MCM4: variants seen among roughly 807,000 people sequenced by gnomAD.
MCM4 encodes minichromosome maintenance complex component 4, also known as DNA replication licensing factor MCM4.
In MCM4, 60 loss-of-function variants were observed where a neutral mutation model predicts 88.7. The ratio of observed to expected loss-of-function variants is 0.68; its 90% CI spans 0.55 to 0.84. The LOEUF (loss-of-function observed/expected upper bound fraction) is 0.84. MCM4 is among the 40% of genes least tolerant of loss of function. The pLI, the probability that MCM4 is intolerant of heterozygous loss-of-function variation, is 0.00. For synonymous variants in MCM4, 465 were observed against 410.5 expected, an observed-to-expected ratio of 1.13 and a Z score of -1.61; for missense variants, 1,149 against 1,105.5, an observed-to-expected ratio of 1.04 and a Z score of -0.56.
At chr8:47,974,674 C>A in intron 14 of MCM4, 60 bp from the exon 15 acceptor site, 2 of 1,406,414 alleles carry the variant, frequency 1.4e-6, no homozygotes, top group South Asian at 1.2e-5. Context: ...AATTCACCCA[C>A]AAAACTAAAG....
At chr8:47,973,123 C>T in intron 14 of MCM4, 59 bp downstream of exon 14, 2 of 1,311,110 alleles carry the variant, frequency 1.5e-6, no homozygotes, top group Non-Finnish European at 2.2e-6. Context: ...ATGTAACTGA[C>T]CAATCATCTC....
At chr8:47,973,808 G>A (rs1219925887) in intron 14 of MCM4, 1 of 152,166 alleles carries the variant, frequency 6.6e-6, no homozygotes, top group Non-Finnish European at 1.5e-5. Context: ...TTTTATAACT[G>A]TTTATTACTT....
intron 10 of MCM4, among the ~76,000 whole-genome samples, chr8:47,968,506 T>A (rs1350641328): frequency 6.6e-6 from 1 of 152,204 alleles, no homozygotes; most frequent in East Asian, 1.9e-4. Context: ...TGATGATACA[T>A]GTGTGAGAGT....
chr8:47,970,437 A>G (rs1589832073), intron 11 of MCM4, 74 bp from the exon 12 acceptor site: 6 of 1,489,476 alleles, frequency 4.0e-6, no homozygotes, highest in Non-Finnish European at 5.4e-6. Context: ...AGAGAAAAGT[A>G]CCTCTAAAGT....
chr8:47,961,798 G>C, intron 3 of MCM4, 118 bp downstream of exon 3: 1 of 1,301,194 alleles, frequency 7.7e-7, no homozygotes, highest in Admixed American at 2.4e-5. Flanking sequence ...CTCTGCACGT[G>C]ACTGAGCATG....
intron 3 of MCM4, 125 bp downstream of exon 3, chr8:47,961,805 C>G: frequency 7.8e-7 from 1 of 1,276,162 alleles, no homozygotes; most frequent in Non-Finnish European, 1.1e-6. Flanking sequence ...CGTGACTGAG[C>G]ATGTTCTTAA....
intron 5 of MCM4, 131 bp downstream of exon 5, chr8:47,962,537 A>G: frequency 1.1e-6 from 1 of 939,726 alleles, no homozygotes; most frequent in Non-Finnish European, 1.6e-6. Context: ...TAATCCCAGT[A>G]CTTTGGGAGG....
In MCM4 at chr8:47,971,390, C is replaced by G. The variant is rs776304154; in HGVS notation, c.1850C>G (p.Ala617Gly). 1 of 1,614,118 alleles carries G rather than the reference C, an allele frequency of 6.2e-7. No individual in the cohort carries two copies. Among genetic ancestry groups the G allele is most frequent in the Non-Finnish European group, 8.5e-7 (1 of 1,180,014 alleles). Residue 617 changes from alanine to glycine, a missense_variant, in exon 13 of 17, where the codon GCA becomes GGA. Ala to Gly is a moderately conservative substitution (Grantham distance 60). Coordinates refer to ENST00000649973, the MANE Select transcript of MCM4 (RefSeq NM_182746.3). ...GCGCGCACCTCTGTCCTGGCAGCAG[C>G]AAATCCCATTGAGTCTCAGTGGAAT... ...LNARTSVLAA[A>G]NPIESQWNPK...
In MCM4 at chr8:47,960,991, T is replaced by C; in HGVS notation, c.-38T>C. 1.3e-6 allele frequency: 1 copy of C among 744,170 alleles called. No homozygotes were observed. Among genetic ancestry groups the C allele is most frequent in the Non-Finnish European group, 2.0e-6 (1 of 504,356 alleles). 46.1% of individuals were successfully genotyped at this position (744,170 alleles called of 1,614,324 possible). On this transcript the variant is annotated 5_prime_UTR_variant, in exon 1 of 17. Coordinates refer to ENST00000649973, the MANE Select transcript of MCM4 (RefSeq NM_182746.3). ...GTGGACTCGGAGTCCGCGAGCGTCGTCGGCAAGCGGCCGCCTTTCCACGGT... is the reference window on the plus strand; with the variant it reads ...GTGGACTCGGAGTCCGCGAGCGTCGCCGGCAAGCGGCCGCCTTTCCACGGT...
rs758743457 is a variant in MCM4 at position 47,972,893 on chromosome 8, C to T, written c.1965C>T (p.Asp655=). 34 of 1,614,146 alleles carry T rather than the reference C, an allele frequency of 2.1e-5. No individual in the cohort carries two copies. Among genetic ancestry groups the T allele is most frequent in the Middle Eastern group, 1.6e-4 (1 of 6,062 alleles). The change falls in exon 14 of 17, where the codon GAC becomes GAT. Residue 655 remains aspartate, a synonymous_variant. Transcript: ENST00000649973. ...TCTTCCTCTTGCTGGACCCTCAGGA[C>T]GAAGCCTATGACAGGCGTCTGGCTC... is the stretch of plus-strand genomic sequence containing the variant. ...DLIFLLLDPQ[D]EAYDRRLAHH...
chr8:47,961,765 T>C (rs879274395), intron 3 of MCM4, 85 bp downstream of exon 3: 52 of 1,478,968 alleles, frequency 3.5e-5, no homozygotes, highest in Non-Finnish European at 4.6e-5. Context: ...TTATAACAGT[T>C]GGCATAACGC....
Position 47,971,327 on chromosome 8 carries a change from CTT to C in MCM4, c.1801-12_1801-11del, listed in dbSNP as rs766528577. Reference sequence around the variant, plus strand: ...TCAGGGAGAGGCTTCTAACTGCACTCTTTGCTCTGATAGGCTGGGATCATCTG... The same window carrying C: ...TCAGGGAGAGGCTTCTAACTGCACTCTGCTCTGATAGGCTGGGATCATCTG... On this transcript the variant is annotated splice_polypyrimidine_tract_variant and intron_variant, in intron 12 of 16. Coordinates refer to ENST00000649973, the MANE Select transcript of MCM4 (RefSeq NM_182746.3). 5 of 1,613,996 alleles carry C rather than the reference CTT, an allele frequency of 3.1e-6. 1 individual carries two copies. The South Asian group carries it at 3.3e-5, about 11-fold the overall frequency.
chr8:47,961,313 G>C, intron 2 of MCM4, 99 bp downstream of exon 2: 1 of 1,429,730 alleles, frequency 7.0e-7, no homozygotes, highest in Non-Finnish European at 9.1e-7. Context: ...GGACCCGGGC[G>C]CTCAGCCTCG....
chr8:47,974,543 A>G, intron 14 of MCM4, 191 bp from the exon 15 acceptor site: 1 of 594,136 alleles, frequency 1.7e-6, no homozygotes, highest in Non-Finnish European at 3.0e-6. Context: ...TGCACGCTGC[A>G]CGTTGATGTC....
chr8:47,964,720 A>G lies in MCM4; in HGVS notation c.832+8A>G. The G allele has an allele frequency of 6.5e-7, 1 of 1,535,840 alleles. No individual in the cohort carries two copies. Among genetic ancestry groups the G allele is most frequent in the South Asian group, 1.3e-5 (1 of 79,554 alleles). ...GAAACCTGAATCCAGAAGGTAATGT[A>G]TTTTTCATAGGATTACTTTTGTTGA... On this transcript the variant is annotated splice_region_variant and intron_variant, in intron 8 of 16. Transcript: ENST00000649973.
In MCM4 at chr8:47,962,214, G is replaced by T; in HGVS notation, c.397G>T (p.Gly133Trp). The T allele has an allele frequency of 6.2e-7, 1 of 1,614,158 alleles. No individual in the cohort carries two copies. Among genetic ancestry groups the T allele is most frequent in the Non-Finnish European group, 8.5e-7 (1 of 1,180,024 alleles). ...CCTGCAAGTGGATCTGCAGTCTGAC[G>T]GGGTGAGTATGCAGTCTCCTGAAAC... is the stretch of plus-strand genomic sequence containing the variant. ...KGLQVDLQSD[G>W]AAAEDIVASE... The change falls in exon 4 of 17, where the codon GGG becomes TGG. Residue 133 changes from glycine (G) to tryptophan (W), a missense_variant and splice_region_variant. Coordinates refer to ENST00000649973, the MANE Select transcript of MCM4 (RefSeq NM_182746.3).
Position 47,964,681 on chromosome 8 carries a change from G to A in MCM4, c.801G>A (p.Lys267=), listed in dbSNP as rs756324924. 1.9e-6 allele frequency: 3 copies of A among 1,590,514 alleles called. No homozygotes were observed. Among genetic ancestry groups the A allele is most frequent in the East Asian group, 2.3e-5 (1 of 43,820 alleles). ...QIQVRPFNAL[K]TKNMRNLNPE... is the part of the protein sequence containing the mutation. ...AAGTAAGACCATTCAACGCATTGAAGACTAAGAATATGAGAAACCTGAATC... is the reference window on the plus strand; with the variant it reads ...AAGTAAGACCATTCAACGCATTGAAAACTAAGAATATGAGAAACCTGAATC... Residue 267 remains lysine (K), a synonymous_variant, in exon 8 of 17, where the codon AAG becomes AAA. Coordinates refer to ENST00000649973, the MANE Select transcript of MCM4 (RefSeq NM_182746.3).
Position 47,964,635 on chromosome 8 carries a change from C to T in MCM4, c.755C>T (p.Ser252Leu). Residue 252 changes from serine to leucine, a missense_variant, in exon 8 of 17, where the codon TCA becomes TTA. By Grantham distance (145) the Ser-to-Leu change is moderately radical. Coordinates refer to ENST00000649973, the MANE Select transcript of MCM4 (RefSeq NM_182746.3). ...NEIFFDRYPD[S>L]ILEHQIQVRP... The stretch of plus-strand genomic sequence containing the variant: ...ATCTTCTTTGACCGTTACCCTGACT[C>T]AATCTTAGAACATCAGATTCAAGTA... The T allele has an allele frequency of 6.2e-7, 1 of 1,607,494 alleles. No homozygotes were observed. Among genetic ancestry groups the T allele is most frequent in the Non-Finnish European group, 8.5e-7 (1 of 1,178,270 alleles).
rs777908949 is a variant in MCM4, at chr8:47,969,935, C to A, written c.1312C>A (p.Gln438Lys). ...RLHGLDEEAE[Q>K]KLFSEKRVEL... ...GCATGGCCTTGATGAAGAAGCAGAA[C>A]AGAAACTTTTTTCAGAGAAACGTGT... is the stretch of plus-strand genomic sequence containing the variant. The change falls in exon 11 of 17, where the codon CAG (glutamine) becomes AAG (lysine). Residue 438 changes from glutamine (Q) to lysine (K), a missense_variant. Gln to Lys is a moderately conservative substitution (Grantham distance 53). This residue lies in a region of MCM4 where 906 missense variants were observed against 843.0 expected (regional missense o/e 1.07). Coordinates refer to ENST00000649973, the MANE Select transcript of MCM4 (RefSeq NM_182746.3). 8.9e-5 allele frequency: 144 copies of A among 1,614,174 alleles called. No individual in the cohort carries two copies. The highest frequency in any genetic ancestry group is 1.2e-4 in the Non-Finnish European group (141 of 1,180,038).
Sources: gnomAD v4.1 joint callset for allele counts (sites outside exome capture counted in the v4.1 genomes callset) on GRCh38, gnomAD v4.1.1 for gene constraint, gnomAD v4.1.1 regional missense constraint, MANE v1.5 for transcripts, NCBI Gene and HGNC (gene_info 2026-07-23, HGNC 2026-07-21) for gene names.